The following CHRNA3 variants were observed in gnomAD, a reference collection of about 807,000 sequenced individuals.
CHRNA3 encodes neuronal acetylcholine receptor subunit alpha-3.
In CHRNA3, 34 loss-of-function variants were observed where a neutral mutation model predicts 41.9. The observed-to-expected ratio is 0.81, with a 90% CI of 0.62 to 1.08. The LOEUF (loss-of-function observed/expected upper bound fraction) is 1.08. Among genes scored for constraint, CHRNA3 ranks in the 50% least tolerant of loss-of-function variants. CHRNA3 has a pLI of 0.00. For synonymous variants in CHRNA3, 281 were observed against 265.2 expected (o/e 1.06, Z -0.58); for missense variants, 542 against 638.3 (o/e 0.85, Z 1.63).
chr15:78,604,920 G>A (rs1168502812), intron 4 of CHRNA3, among the ~76,000 whole-genome samples: 1 of 152,152 alleles, frequency 6.6e-6, no homozygotes, highest in African/African-American at 2.4e-5. Flanking sequence ...GGCTGAGGCA[G>A]GAGAATTGCT....
chr15:78,618,383 G>A (rs2053497366), intron 3 of CHRNA3: 2 of 562,012 alleles, frequency 3.6e-6, no homozygotes, highest in African/African-American at 3.8e-5. Flanking sequence ...TCTCCAGGCT[G>A]CAACCTGTCC....
chr15:78,597,244 C>A (rs1277187956), intron 5 of CHRNA3, among the ~76,000 whole-genome samples: 1 of 152,076 alleles, frequency 6.6e-6, no homozygotes, highest in Admixed American at 6.5e-5. Flanking sequence ...CATGGTGAAA[C>A]CCTGTTGAAA....
intron 3 of CHRNA3, 41 bp from the exon 4 acceptor site, chr15:78,617,174 G>A (rs200491106): frequency 7.1e-7 from 1 of 1,400,378 alleles, no homozygotes; most frequent in African/African-American, 1.4e-5. Flanking sequence ...GACGGTAAAA[G>A]AATCAGCCTG....
At position 78,601,331 on chromosome 15, in the gene CHRNA3, CAA is replaced by C; in HGVS notation, c.1309_1310del (p.Leu437ValfsTer16). The C allele has an allele frequency of 6.2e-7, 1 of 1,614,168 alleles. No homozygotes were observed. Among genetic ancestry groups the C allele is most frequent in the Non-Finnish European group, 8.5e-7 (1 of 1,180,036 alleles). On this transcript the variant is annotated frameshift_variant, in exon 5 of 6. Coordinates refer to ENST00000326828, the MANE Select transcript of CHRNA3 (RefSeq NM_000743.5). LOFTEE classifies it high-confidence loss of function. ...SVDAVLSLSA[L>X]SPEIKEAIQS... ...GGATGGCTTCTTTGATTTCTGGTGA[CAA>C]AGCAGAGAGGGACAGCACAGCATCA... is the stretch of plus-strand genomic sequence containing the variant.
chr15:78,612,208 A>C (rs2053390065), intron 4 of CHRNA3, among the ~76,000 whole-genome samples: 1 of 151,938 alleles, frequency 6.6e-6, no homozygotes, highest in South Asian at 2.1e-4. Context: ...CAGAATTGGA[A>C]AAAACTACTT....
At chr15:78,616,689 C>T (rs147977059) in intron 4 of CHRNA3, among the ~76,000 whole-genome samples, 9 of 152,272 alleles carry the variant, frequency 5.9e-5, no homozygotes, top group African/African-American at 1.4e-4. Context: ...CCTGCCTCCC[C>T]GGGCCCTCCT....
chr15:78,593,075 T>C, downstream of CHRNA3: 1 of 1,596,876 alleles, frequency 6.3e-7, no homozygotes, highest in Non-Finnish European at 8.5e-7. Context: ...AATGCATTTT[T>C]ATTTTTTTCC....
In CHRNA3 at chr15:78,614,925, A is replaced by T. The variant is rs551287253; in HGVS notation, c.377+2099T>A. Among the ~76,000 whole-genome samples, 12 of 152,296 alleles carry T rather than the reference A, an allele frequency of 7.9e-5. No individual in the cohort carries two copies. The East Asian group carries it at 1.9e-3, about 25-fold the overall frequency. On this transcript the variant is annotated intron_variant, in intron 4 of 5. Transcript: ENST00000326828. ...TTTTGGAGGTGCTATGATGAGCAGG[A>T]CCTGTCTGGCAGAGGAAGAACCTTT...
Position 78,601,761 on chromosome 15 carries a change from A to T in CHRNA3, c.881T>A (p.Ile294Asn). 1 of 1,614,138 alleles carries T rather than the reference A, an allele frequency of 6.2e-7. No homozygotes were observed. Among genetic ancestry groups the T allele is most frequent in the Non-Finnish European group, 8.5e-7 (1 of 1,180,028 alleles). Residue 294 changes from isoleucine (I) to asparagine (N), a missense_variant, in exon 5 of 6, where the codon ATC becomes AAC. Coordinates refer to ENST00000326828, the MANE Select transcript of CHRNA3 (RefSeq NM_000743.5). ...TVFLLVITET[I>N]PSTSLVIPLI... ...GGGGATGACCAGCGAGGTGGAAGGG[A>T]TGGTCTCAGTGATCACCAGGAGAAA...
At position 78,602,231 on chromosome 15, in the gene CHRNA3, G is replaced by C. The variant is rs1567077933; in HGVS notation, c.411C>G (p.Thr137=). 6.2e-7 allele frequency: 1 copy of C among 1,613,964 alleles called. No homozygotes were observed. Among genetic ancestry groups the C allele is most frequent in the Non-Finnish European group, 8.5e-7 (1 of 1,179,906 alleles). The part of the protein sequence containing the change: ...AVGDFQVDDK[T]KALLKYTGEV... ...CCCCAGTGTACTTGAGTAAGGCTTTGGTCTTGTCGTCCACCTGGAAATCCC... is the reference window on the plus strand; with the variant it reads ...CCCCAGTGTACTTGAGTAAGGCTTTCGTCTTGTCGTCCACCTGGAAATCCC... Residue 137 remains threonine, a synonymous_variant, in exon 5 of 6, where the codon ACC becomes ACG. Transcript: ENST00000326828.
At chr15:78,603,868 C>T (rs530306099) in intron 4 of CHRNA3, among the ~76,000 whole-genome samples, 200 of 152,200 alleles carry the variant, frequency 1.3e-3, no homozygotes, top group Admixed American at 5.3e-3. Context: ...TATTCCTGCT[C>T]CTGGCTCCAG....
chr15:78,601,435 C>G lies in CHRNA3; in HGVS notation c.1207G>C (p.Gly403Arg), dbSNP rs1188045279. ...EGYPCQDGMC[G>R]YCHHRRIKIS... The stretch of plus-strand genomic sequence containing the variant: ...TTTATCCTGCGGTGGTGGCAGTAAC[C>G]ACACATCCCGTCCTGGCAGGGGTAG... The change falls in exon 5 of 6, where the codon GGT (glycine) becomes CGT (arginine). Residue 403 changes from glycine to arginine, a missense_variant. Coordinates refer to ENST00000326828, the MANE Select transcript of CHRNA3 (RefSeq NM_000743.5). 10 of 1,613,970 alleles carry G rather than the reference C, an allele frequency of 6.2e-6. No homozygotes were observed. The highest frequency in any genetic ancestry group is 8.5e-6 in the Non-Finnish European group (10 of 1,180,030).
intron 1 of CHRNA3, chr15:78,620,399 A>AGGGCGACGGGCCGCGCGGGGC: frequency 4.5e-6 from 1 of 223,414 alleles, no homozygotes; most frequent in Non-Finnish European, 8.9e-6. Flanking sequence ...CAGCGCGGGG[A>AGGGCGACGGGCCGCGCGGGGC]CGCGAATCCC....
Position 78,596,349 on chromosome 15 carries a change from T to C in CHRNA3, c.*255A>G. 6.2e-6 allele frequency: 7 copies of C among 1,123,096 alleles called. No homozygotes were observed. Among genetic ancestry groups the C allele is most frequent in the Non-Finnish European group, 7.6e-6 (7 of 917,812 alleles). 69.6% of individuals were successfully genotyped at this position (1,123,096 alleles called of 1,614,324 possible). ...TACATGTATATTCCATAGCATAGCA[T>C]ACTAATCACATAGAATCACATTTTG... On this transcript the variant is annotated 3_prime_UTR_variant, in exon 6 of 6. Transcript: ENST00000326828.
At chr15:78,613,787 CA>C (rs1352251963) in intron 4 of CHRNA3, among the ~76,000 whole-genome samples, 1 of 94,220 alleles carries the variant, frequency 1.1e-5, no homozygotes, top group Non-Finnish European at 1.9e-5. Flanking sequence ...CAAAAAAAAC[CA>C]CAAAAAAATT....
chr15:78,595,280 G>GACTT, downstream of CHRNA3: 1 of 984,788 alleles, frequency 1.0e-6, no homozygotes, highest in African/African-American at 1.7e-5. Context: ...TCTTTCTTTT[G>GACTT]ACTTATTGAA....
At chr15:78,612,461 TG>T (rs139472025) in intron 4 of CHRNA3, among the ~76,000 whole-genome samples, 103,558 of 103,712 alleles carry the variant, frequency 1, 51,702 homozygotes, top group Middle Eastern at 1. Flanking sequence ...AAACAAGCAA[TG>T]GGGGAAAGGA....
intron 5 of CHRNA3, among the ~76,000 whole-genome samples, chr15:78,600,881 A>C (rs2053186912): frequency 6.6e-6 from 1 of 152,030 alleles, no homozygotes; most frequent in East Asian, 1.9e-4. Context: ...AAAATAAATA[A>C]AAATAAAAAT....
intron 4 of CHRNA3, among the ~76,000 whole-genome samples, chr15:78,612,963 GA>G (rs2053403512): frequency 6.6e-6 from 1 of 152,028 alleles, no homozygotes; most frequent in African/African-American, 2.4e-5. Context: ...AAAAACACAT[GA>G]AAAAATGCTC....
Sources: gnomAD v4.1 joint callset for allele counts (sites outside exome capture counted in the v4.1 genomes callset) on GRCh38, gnomAD v4.1.1 for gene constraint, MANE v1.5 for transcripts, NCBI Gene and HGNC (gene_info 2026-07-23, HGNC 2026-07-21) for gene names.